EDA: variants seen among roughly 807,000 people sequenced by gnomAD.
EDA encodes ectodysplasin-A.
Under a neutral mutation model 23.6 loss-of-function variants are expected in EDA, and 2 were observed. That is an observed-to-expected ratio of 0.08 (90% CI 0.03 to 0.27). The LOEUF (loss-of-function observed/expected upper bound fraction) is 0.27, where lower values mean the gene tolerates loss of function less well. EDA is among the 10% of genes least tolerant of loss of function. The pLI is 1.00. For missense variants in EDA, 229 were observed against 324.2 expected (o/e 0.71, Z 2.26); for synonymous variants, 131 against 132.0 (o/e 0.99, Z 0.05).
At chrX:69,816,821 C>A (rs2016092563) in intron 1 of EDA, among the ~76,000 whole-genome samples, 1 of 111,541 alleles carries the variant, frequency 9.0e-6, no homozygotes, top group Non-Finnish European at 1.9e-5. Flanking sequence ...CTCAACCTAG[C>A]AAGACAGGCC....
chrX:69,639,445 G>T (rs371502117), intron 1 of EDA, among the ~76,000 whole-genome samples: 9 of 111,639 alleles, frequency 8.1e-5, no homozygotes, highest in South Asian at 3.7e-4. Flanking sequence ...TTATATTTTT[G>T]ATTATACCCA....
At chrX:69,926,379 AG>A (rs1465750664) in intron 1 of EDA, among the ~76,000 whole-genome samples, 2 of 111,592 alleles carry the variant, frequency 1.8e-5, no homozygotes, top group East Asian at 2.8e-4. Flanking sequence ...TTGGTTTCAA[AG>A]AACTTCTTGA....
chrX:69,728,149 G>A (rs1175272031), intron 1 of EDA, among the ~76,000 whole-genome samples: 2 of 109,708 alleles, frequency 1.8e-5, no homozygotes, highest in African/African-American at 3.3e-5. Context: ...GGAGGCTGAC[G>A]TGGGAGAATC....
intron 1 of EDA, among the ~76,000 whole-genome samples, chrX:69,936,048 A>AT (rs1038509571): frequency 4.7e-5 from 5 of 106,928 alleles, no homozygotes; most frequent in Non-Finnish European, 3.8e-5. Context: ...TTATATATGG[A>AT]TTTTGTTTTG....
chrX:69,788,029 C>T (rs1196465754), intron 1 of EDA, among the ~76,000 whole-genome samples: 4 of 111,263 alleles, frequency 3.6e-5, no homozygotes, highest in African/African-American at 1.3e-4. Context: ...CTTCTCGCTT[C>T]ATTTCATTCA....
intron 1 of EDA, among the ~76,000 whole-genome samples, chrX:69,638,724 A>G (rs1488346391): frequency 8.9e-6 from 1 of 111,886 alleles, no homozygotes; most frequent in Non-Finnish European, 1.9e-5. Context: ...CGTAAGCTAA[A>G]TAGTCACAGA....
At chrX:70,007,720 A>G (rs1335523480) in intron 2 of EDA, among the ~76,000 whole-genome samples, 1 of 111,609 alleles carries the variant, frequency 9.0e-6, no homozygotes. Flanking sequence ...GAGTCTTCCT[A>G]TCCACGAACA....
chrX:69,655,762 C>A (rs867478049), intron 1 of EDA, among the ~76,000 whole-genome samples: 108 of 52,420 alleles, frequency 2.1e-3, no homozygotes, highest in East Asian at 3.9e-3. Flanking sequence ...TCATTAGAAT[C>A]TATATATATA....
intron 1 of EDA, among the ~76,000 whole-genome samples, chrX:69,898,439 G>A (rs2018051316): frequency 9.1e-6 from 1 of 110,034 alleles, no homozygotes; most frequent in Admixed American, 9.7e-5. Context: ...AAAATTAGCT[G>A]GGTGTGGTGG....
rs1041196667 is a variant in EDA, at chrX:69,621,429, A to T, written c.396+4725A>T. On this transcript the variant is annotated intron_variant, in intron 1 of 7. Transcript: ENST00000374552. ...CAATTTGATGAATCATTACAAAGTG[A>T]ATATACTCACGTCACCAGCACCCAG... 8.0e-5 allele frequency among the ~76,000 whole-genome samples: 9 copies of T among 112,086 alleles called. No homozygotes were observed. The Admixed American group carries it at 8.5e-4, about 11-fold the overall frequency.
chrX:70,025,751 G>A (rs1244243212), intron 3 of EDA, among the ~76,000 whole-genome samples: 7 of 112,131 alleles, frequency 6.2e-5, no homozygotes, highest in Non-Finnish European at 1.1e-4. Context: ...AAATTGGCTA[G>A]ATCTAGAAAC....
At chrX:69,740,801 G>T (rs2013436087) in intron 1 of EDA, among the ~76,000 whole-genome samples, 1 of 109,652 alleles carries the variant, frequency 9.1e-6, no homozygotes, top group Non-Finnish European at 1.9e-5. Flanking sequence ...ATGGAGTCCT[G>T]CATTGCTCTG....
chrX:69,787,899 C>T (rs1399751825), intron 1 of EDA, among the ~76,000 whole-genome samples: 10 of 111,226 alleles, frequency 9.0e-5, no homozygotes, highest in Non-Finnish European at 1.3e-4. Flanking sequence ...TCCAACTTGG[C>T]TCCATTCTCC....
intron 1 of EDA, among the ~76,000 whole-genome samples, chrX:69,703,253 T>G (rs2011587789): frequency 9.0e-6 from 1 of 111,241 alleles, no homozygotes; most frequent in East Asian, 2.9e-4. Flanking sequence ...GCCGTGCAGA[T>G]TTTTCCCTGT....
chrX:69,840,617 G>A (rs1232736040), intron 1 of EDA, among the ~76,000 whole-genome samples: 4 of 69,531 alleles, frequency 5.8e-5, no homozygotes, highest in Admixed American at 4.1e-4. Flanking sequence ...AAATATTTTT[G>A]TTAAGGGGAA....
chrX:69,764,445 A>G (rs1360502053), intron 1 of EDA, among the ~76,000 whole-genome samples: 1 of 106,055 alleles, frequency 9.4e-6, no homozygotes, highest in East Asian at 3.0e-4. Context: ...GTTTCACCAC[A>G]TTGGCCAGGC....
At chrX:69,905,998 T>G (rs1183547708) in intron 1 of EDA, among the ~76,000 whole-genome samples, 1 of 111,836 alleles carries the variant, frequency 8.9e-6, no homozygotes, top group African/African-American at 3.3e-5. Context: ...GTAAGAGCCC[T>G]CTTGCTGAAC....
intron 1 of EDA, among the ~76,000 whole-genome samples, chrX:69,837,163 A>T (rs1006718775): frequency 3.5e-4 from 39 of 111,637 alleles, no homozygotes; most frequent in Admixed American, 3.1e-3. Context: ...AGGAAGTTTG[A>T]TAATGTGTCT....
chrX:69,882,633 T>A (rs1351215493), intron 1 of EDA, among the ~76,000 whole-genome samples: 1 of 111,822 alleles, frequency 8.9e-6, no homozygotes, highest in African/African-American at 3.3e-5. Context: ...TCCTCTAAAG[T>A]AACTTCCAAC....
Sources: gnomAD v4.1 joint callset for allele counts (sites outside exome capture counted in the v4.1 genomes callset) on GRCh38, gnomAD v4.1.1 for gene constraint, MANE v1.5 for transcripts, NCBI Gene and HGNC (gene_info 2026-07-23, HGNC 2026-07-21) for gene names.